The following AK5 variants were observed in gnomAD, a reference collection of about 807,000 sequenced individuals.
The protein encoded by AK5 is adenylate kinase isoenzyme 5.
Under a neutral mutation model 69.5 loss-of-function variants are expected in AK5, and 27 were observed. That is an observed-to-expected ratio of 0.39 (90% CI 0.29 to 0.54). AK5 has a LOEUF of 0.54. AK5 is among the 20% of genes least tolerant of loss of function. The pLI, the probability that AK5 is intolerant of heterozygous loss-of-function variation, is 0.71. For synonymous variants in AK5, 260 were observed against 244.4 expected (o/e 1.06, Z -0.60); for missense variants, 531 against 700.4 (o/e 0.76, Z 2.73).
intron 6 of AK5, chr1:77,346,064 A>G (rs1661899279): frequency 6.6e-6 from 1 of 152,206 alleles, no homozygotes. Context: ...AAAAGAAAAT[A>G]TATTTATTGT....
intron 8 of AK5, among the ~76,000 whole-genome samples, chr1:77,438,856 C>T (rs1161748210): frequency 2.0e-5 from 3 of 152,054 alleles, no homozygotes; most frequent in Admixed American, 1.3e-4. Flanking sequence ...AAGGGCTTGC[C>T]AGAAAAGACA....
At chr1:77,338,484 T>A (rs1570404168) in intron 5 of AK5, among the ~76,000 whole-genome samples, 1 of 152,212 alleles carries the variant, frequency 6.6e-6, no homozygotes, top group African/African-American at 2.4e-5. Flanking sequence ...AACATTCAGA[T>A]GTAAATAGAG....
At chr1:77,383,421 A>G (rs1282174296) in intron 6 of AK5, among the ~76,000 whole-genome samples, 1 of 152,184 alleles carries the variant, frequency 6.6e-6, no homozygotes, top group Admixed American at 6.5e-5. Flanking sequence ...TAGGAAATCC[A>G]GGGTAATAAA....
At chr1:77,341,668 T>G (rs1557511430) in intron 6 of AK5, among the ~76,000 whole-genome samples, 1 of 152,220 alleles carries the variant, frequency 6.6e-6, no homozygotes, top group Non-Finnish European at 1.5e-5. Context: ...ATTTGAAGAA[T>G]AATTTCTTTG....
rs1355700167 is a variant in AK5, at chr1:77,501,365, CAG to C, written c.1147+15014_1147+15015del. Among the ~76,000 whole-genome samples, 8 of 152,354 alleles carry C rather than the reference CAG, an allele frequency of 5.3e-5. No individual in the cohort carries two copies. The East Asian group carries it at 1.5e-3, about 29-fold the overall frequency. ...TATACAGTCATGCATCACTTAACAA[CAG>C]GGGTGCATTCTGAGGAATGCCTCAT... On this transcript the variant is annotated intron_variant, in intron 10 of 13. Coordinates refer to ENST00000354567, the MANE Select transcript of AK5 (RefSeq NM_174858.3).
intron 6 of AK5, among the ~76,000 whole-genome samples, chr1:77,408,904 G>C (rs556643231): frequency 1.3e-5 from 2 of 152,068 alleles, no homozygotes; most frequent in South Asian, 4.2e-4. Flanking sequence ...CTGCTTCTCT[G>C]CCTCCTCCTA....
chr1:77,357,992 A>AGTGTGT (rs10643921), intron 6 of AK5, among the ~76,000 whole-genome samples: 7,866 of 121,026 alleles, frequency 0.065, 387 homozygotes, highest in Middle Eastern at 0.18. Flanking sequence ...TATGGAGAGT[A>AGTGTGT]GTGTGTGTGT....
intron 10 of AK5, among the ~76,000 whole-genome samples, chr1:77,502,192 C>T (rs1322741429): frequency 6.6e-6 from 1 of 152,176 alleles, no homozygotes; most frequent in East Asian, 1.9e-4. Flanking sequence ...TAGGTACAAG[C>T]AGTCATAGCA....
rs1462793828 is a variant in AK5, at chr1:77,367,569, A to AT, written c.891+27002dup. On this transcript the variant is annotated intron_variant, in intron 6 of 13. Coordinates refer to ENST00000354567, the MANE Select transcript of AK5 (RefSeq NM_174858.3). The stretch of plus-strand genomic sequence containing the variant: ...ATTTATGTTATTTTTATATATATAT[A>AT]TATATATATAATATATATGTTATAT... Among the ~76,000 whole-genome samples the AT allele has an allele frequency of 9.2e-4, 29 of 31,642 alleles. 5 individuals carry two copies. In the South Asian group the frequency reaches 0.031, roughly 33 times the overall value. 20.8% of individuals were successfully genotyped at this position (31,642 alleles called of 152,430 possible). A position where few individuals can be genotyped will look rare whatever the true frequency, so the allele number is the denominator to read the frequency against.
At position 77,358,016 on chromosome 1, in the gene AK5, TGTGAGA is replaced by T. The variant is rs1484715151; in HGVS notation, c.891+17450_891+17455del. 5.8e-5 allele frequency among the ~76,000 whole-genome samples: 6 copies of T among 104,010 alleles called. No individual in the cohort carries two copies. The East Asian group carries it at 1.1e-3, about 19-fold the overall frequency. 68.2% of individuals were successfully genotyped at this position (104,010 alleles called of 152,430 possible). ...TAGTGTGTGTGTGTGTGTGTGTGTG[TGTGAGA>T]GAGAGAGAGAGAGAGAGACAGAGAG... On this transcript the variant is annotated intron_variant, in intron 6 of 13. Transcript: ENST00000354567.
In AK5 at chr1:77,558,960, C is replaced by T. The variant is rs1028768894; in HGVS notation, c.*290C>T. 1.1e-5 allele frequency: 3 copies of T among 280,308 alleles called. No individual in the cohort carries two copies. The highest frequency in any genetic ancestry group is 4.9e-5 in the Admixed American group (1 of 20,302). The allele number at this position is 280,308 out of a possible 1,614,324, so 17.4% of individuals were successfully genotyped here. A position where few individuals can be genotyped will look rare whatever the true frequency, so the allele number is the denominator to read the frequency against. On this transcript the variant is annotated 3_prime_UTR_variant, in exon 14 of 14. Transcript: ENST00000354567. ...AGGCCACACTCAGAGCTAGTCAGTA[C>T]ATGAACAGTGGTGCGGTGCCAGTCT... is the stretch of plus-strand genomic sequence containing the variant.
chr1:77,514,262 G>A (rs552048782), intron 10 of AK5, among the ~76,000 whole-genome samples: 5 of 152,096 alleles, frequency 3.3e-5, no homozygotes, highest in Non-Finnish European at 7.4e-5. Context: ...CTTGGGTAAT[G>A]GTACACTAAA....
chr1:77,365,729 CCACTGCT>C (rs1301317636), intron 6 of AK5, among the ~76,000 whole-genome samples: 1 of 152,172 alleles, frequency 6.6e-6, no homozygotes, highest in Non-Finnish European at 1.5e-5. Context: ...GCTCCCTTGC[CCACTGCT>C]CACTTCCTGC....
At chr1:77,443,442 A>G (rs1006673039) in intron 8 of AK5, among the ~76,000 whole-genome samples, 9 of 152,186 alleles carry the variant, frequency 5.9e-5, no homozygotes, top group Non-Finnish European at 1.3e-4. Context: ...TAAAACTGAC[A>G]TAACTTGCAG....
At chr1:77,541,224 T>C (rs1302551688) in intron 13 of AK5, among the ~76,000 whole-genome samples, 4 of 152,108 alleles carry the variant, frequency 2.6e-5, no homozygotes, top group African/African-American at 9.7e-5. Flanking sequence ...TAGGAGTTCT[T>C]GACTATCTTG....
chr1:77,519,172 C>CT (rs1171939116), intron 11 of AK5, among the ~76,000 whole-genome samples: 1 of 152,010 alleles, frequency 6.6e-6, no homozygotes, highest in Non-Finnish European at 1.5e-5. Flanking sequence ...CCTTTTCTAT[C>CT]TTTTTTCTTC....
chr1:77,283,622 CACTGA>C (rs1229079070), intron 1 of AK5: 2 of 985,304 alleles, frequency 2.0e-6, no homozygotes, highest in Non-Finnish European at 2.4e-6. Flanking sequence ...GTAAACCACT[CACTGA>C]ACTCAAGCGT....
intron 5 of AK5, among the ~76,000 whole-genome samples, chr1:77,305,929 G>C (rs2100274042): frequency 6.6e-6 from 1 of 151,470 alleles, no homozygotes; most frequent in East Asian, 2.0e-4. Context: ...TAGATTGCTT[G>C]GGTAGTATGG....
intron 5 of AK5, among the ~76,000 whole-genome samples, chr1:77,306,483 G>GA (rs1659641936): frequency 2.8e-5 from 1 of 36,202 alleles, no homozygotes; most frequent in African/African-American, 6.1e-5. Context: ...CAATTTGCTA[G>GA]GTTTTTTTTT....
Sources: gnomAD v4.1 joint callset for allele counts (sites outside exome capture counted in the v4.1 genomes callset) on GRCh38, gnomAD v4.1.1 for gene constraint, MANE v1.5 for transcripts, NCBI Gene and HGNC (gene_info 2026-07-23, HGNC 2026-07-21) for gene names.